The following EPHA3 variants were observed in gnomAD, a reference collection of about 807,000 sequenced individuals.
EPHA3 encodes the protein EPH receptor A3.
EPHA3 carries 42 observed loss-of-function variants against 107.1 expected under a neutral mutation model. That is an observed-to-expected ratio of 0.39 (90% CI 0.31 to 0.51). The LOEUF (loss-of-function observed/expected upper bound fraction) is 0.51, where lower values mean the gene tolerates loss of function less well. EPHA3 is among the 20% of genes least tolerant of loss of function. The pLI is 0.78. For synonymous variants in EPHA3, 461 were observed against 424.8 expected (o/e 1.09, Z -1.05); for missense variants, 1,183 against 1,211.2 (o/e 0.98, Z 0.35).
chr3:89,292,591 C>T (rs1706238543), intron 3 of EPHA3, among the ~76,000 whole-genome samples: 1 of 152,058 alleles, frequency 6.6e-6, no homozygotes, highest in Admixed American at 6.6e-5. Flanking sequence ...TTTTGATTTT[C>T]CAATTTGTAA....
chr3:89,298,255 C>G (rs116302947), intron 3 of EPHA3, among the ~76,000 whole-genome samples: 1 of 152,104 alleles, frequency 6.6e-6, no homozygotes, highest in Admixed American at 6.6e-5. Context: ...GGAACTTTTG[C>G]AAATGGCCTT....
At chr3:89,411,645 C>T (rs1709156038) in intron 9 of EPHA3, among the ~76,000 whole-genome samples, 1 of 151,880 alleles carries the variant, frequency 6.6e-6, no homozygotes, top group Non-Finnish European at 1.5e-5. Flanking sequence ...AATCGTAATG[C>T]ATTATAACCA....
intron 2 of EPHA3, among the ~76,000 whole-genome samples, chr3:89,138,904 A>G (rs1704369896): frequency 6.6e-6 from 1 of 151,940 alleles, no homozygotes; most frequent in Admixed American, 6.6e-5. Context: ...AAAACTGAGT[A>G]ACTTGTAGGA....
chr3:89,468,971 T>A (rs1177086578), intron 15 of EPHA3, among the ~76,000 whole-genome samples: 1 of 152,188 alleles, frequency 6.6e-6, no homozygotes, highest in Admixed American at 6.5e-5. Context: ...TTTGCATATA[T>A]GTTTCAGAAG....
At chr3:89,358,387 T>C (rs1377405349) in intron 5 of EPHA3, among the ~76,000 whole-genome samples, 1 of 151,212 alleles carries the variant, frequency 6.6e-6, no homozygotes, top group Non-Finnish European at 1.5e-5. Context: ...CAGGTTTTCT[T>C]TGGCAATAAA....
chr3:89,114,584 G>A (rs1415324687), intron 1 of EPHA3, among the ~76,000 whole-genome samples: 1 of 152,202 alleles, frequency 6.6e-6, no homozygotes, highest in Non-Finnish European at 1.5e-5. Context: ...CCCGGAGCGC[G>A]ACCAGGGTGC....
chr3:89,160,575 T>TGC (rs1704909760), intron 2 of EPHA3, among the ~76,000 whole-genome samples: 1 of 140,868 alleles, frequency 7.1e-6, no homozygotes, highest in Non-Finnish European at 1.6e-5. Flanking sequence ...TGTGTGTGTG[T>TGC]GTGTGTGTGT....
At chr3:89,216,482 TC>T (rs1292879779) in intron 3 of EPHA3, among the ~76,000 whole-genome samples, 1 of 152,056 alleles carries the variant, frequency 6.6e-6, no homozygotes, top group Non-Finnish European at 1.5e-5. Flanking sequence ...TCTCCTATCA[TC>T]TTAATGAATA....
chr3:89,285,658 TG>T, intron 3 of EPHA3, among the ~76,000 whole-genome samples: 1 of 152,330 alleles, frequency 6.6e-6, no homozygotes, highest in Non-Finnish European at 1.5e-5. Flanking sequence ...GAAGAGTTGT[TG>T]GTATATTTCA....
At chr3:89,233,179 G>A (rs1332556243) in intron 3 of EPHA3, among the ~76,000 whole-genome samples, 11 of 151,782 alleles carry the variant, frequency 7.2e-5, no homozygotes, top group Non-Finnish European at 1.5e-4. Flanking sequence ...ATATATACAC[G>A]CACATATATA....
chr3:89,387,273 G>C (rs1216533925), intron 5 of EPHA3, among the ~76,000 whole-genome samples: 1 of 152,094 alleles, frequency 6.6e-6, no homozygotes, highest in Non-Finnish European at 1.5e-5. Flanking sequence ...ATGGGTGGGA[G>C]GTAATTAAAT....
At position 89,481,772 on chromosome 3, in the gene EPHA3, G is replaced by A. The variant is rs1349698964; in HGVS notation, c.*2270G>A. 3 of 231,912 alleles carry A rather than the reference G, an allele frequency of 1.3e-5. No individual in the cohort carries two copies. Among genetic ancestry groups the A allele is most frequent in the Non-Finnish European group, 2.6e-5 (3 of 117,084 alleles). The allele number at this position is 231,912 out of a possible 1,614,324, so 14.4% of individuals were successfully genotyped here. On this transcript the variant is annotated 3_prime_UTR_variant, in exon 17 of 17. Coordinates refer to ENST00000336596, the MANE Select transcript of EPHA3 (RefSeq NM_005233.6). ...GTACGATTCTTAACCATGGAGTAGA[G>A]GTACTAGAATGCTTACGGCCATCTC...
intron 3 of EPHA3, among the ~76,000 whole-genome samples, chr3:89,298,755 G>A (rs549074616): frequency 6.6e-6 from 1 of 152,140 alleles, no homozygotes; most frequent in South Asian, 2.1e-4. Flanking sequence ...TTTTAACATG[G>A]AGTACATATA....
intron 2 of EPHA3, among the ~76,000 whole-genome samples, chr3:89,195,549 A>C (rs889897778): frequency 6.6e-6 from 1 of 152,134 alleles, no homozygotes; most frequent in Non-Finnish European, 1.5e-5. Flanking sequence ...AAAACCTCAG[A>C]GTCATTTTCA....
intron 3 of EPHA3, among the ~76,000 whole-genome samples, chr3:89,251,241 C>T (rs1365185445): frequency 1.3e-5 from 2 of 151,606 alleles, no homozygotes; most frequent in Admixed American, 1.3e-4. Context: ...ACTAGAAAAA[C>T]AAGATAAGAG....
At position 89,137,337 on chromosome 3, in the gene EPHA3, A is replaced by G. The variant is rs1297538006; in HGVS notation, c.153+10064A>G. Reference sequence around the variant, plus strand: ...ACAAGAATTTATAAAAATAATTCACACAAAAGCTTTGCTTATTTAAAATAT... The same window carrying G: ...ACAAGAATTTATAAAAATAATTCACGCAAAAGCTTTGCTTATTTAAAATAT... On this transcript the variant is annotated intron_variant, in intron 2 of 16. Coordinates refer to ENST00000336596, the MANE Select transcript of EPHA3 (RefSeq NM_005233.6). Among the ~76,000 whole-genome samples, 4 of 152,048 alleles carry G rather than the reference A, an allele frequency of 2.6e-5. No individual in the cohort carries two copies. The East Asian group carries it at 5.8e-4, about 22-fold the overall frequency.
At chr3:89,315,579 GGA>G (rs956457891) in intron 3 of EPHA3, among the ~76,000 whole-genome samples, 5 of 150,310 alleles carry the variant, frequency 3.3e-5, no homozygotes, top group Admixed American at 2.7e-4. Flanking sequence ...TTTTGATTTA[GGA>G]TGCTTGAAAT....
rs879882393 is a variant in EPHA3, at chr3:89,219,166, AT to A, written c.814+8659del. On this transcript the variant is annotated intron_variant, in intron 3 of 16. Transcript: ENST00000336596. ...CATTTACCCATTTTTTCACAACAAC[AT>A]TTTTTTTTTTTTCGAGATGGAGTTT... Among the ~76,000 whole-genome samples, 479 of 143,072 alleles carry A rather than the reference AT, an allele frequency of 3.3e-3. 2 individuals are homozygous for A. Among genetic ancestry groups the A allele is most frequent in the African/African-American group, 8.2e-3 (323 of 39,234 alleles). The allele number at this position is 143,072 out of a possible 152,430, so 93.9% of individuals were successfully genotyped here.
intron 2 of EPHA3, among the ~76,000 whole-genome samples, chr3:89,144,538 C>G (rs193237336): frequency 1.1e-4 from 17 of 151,856 alleles, no homozygotes; most frequent in African/African-American, 3.6e-4. Context: ...TACAACAAAC[C>G]TTTCAGTGCA....
Sources: allele counts gnomAD v4.1 joint callset (sites outside exome capture counted in the v4.1 genomes callset), GRCh38; gene constraint gnomAD v4.1.1; transcripts MANE v1.5; gene names NCBI Gene and HGNC (gene_info 2026-07-23, HGNC 2026-07-21).